The following TSPAN1 variants were observed in gnomAD, a reference collection of about 807,000 sequenced individuals.
TSPAN1 encodes tetraspanin-1.
A neutral mutation model predicts 26.9 loss-of-function variants in TSPAN1; 23 were observed. That is an observed-to-expected ratio of 0.85 (90% CI 0.62 to 1.21). The LOEUF (loss-of-function observed/expected upper bound fraction) is 1.21. Ranked by LOEUF, TSPAN1 falls within the 50% of genes most tolerant of loss-of-function variation. TSPAN1 has a pLI of 0.00. For synonymous variants in TSPAN1, 115 were observed against 114.8 expected, an observed-to-expected ratio of 1.00 and a Z score of -0.01; for missense variants, 283 against 298.4, an observed-to-expected ratio of 0.95 and a Z score of 0.38.
chr1:46,193,610 C>G, the TSPAN1 span: 1 of 1,614,180 alleles, frequency 6.2e-7, no homozygotes, highest in South Asian at 1.1e-5. Context: ...AGGAGACACC[C>G]CCTGGGCTGA....
chr1:46,194,692 C>G, the TSPAN1 span: 1 of 1,614,236 alleles, frequency 6.2e-7, no homozygotes, highest in South Asian at 1.1e-5. Flanking sequence ...GGCCCAGACA[C>G]CAGTTTGGGG....
In TSPAN1 at chr1:46,184,292, T is replaced by C. The variant is rs1419885467; in HGVS notation, c.159T>C (p.Phe53=). Residue 53 remains phenylalanine, a synonymous_variant, in exon 4 of 9, where the codon TTT becomes TTC. Coordinates refer to ENST00000372003, the MANE Select transcript of TSPAN1 (RefSeq NM_005727.4). The part of the protein sequence containing the change: ...FGPLSSSAMQ[F]VNVGYFLIAA... ...CACTGTCGTCCAGTGCCATGCAGTT[T>C]GTCAACGTGGGCTACTTCCTCATCG... The C allele has an allele frequency of 6.2e-7, 1 of 1,614,088 alleles. No individual in the cohort carries two copies. The highest frequency in any genetic ancestry group is 8.5e-7 in the Non-Finnish European group (1 of 1,180,044).
downstream of TSPAN1, chr1:46,189,565 G>C (rs376973640): frequency 6.2e-7 from 1 of 1,610,420 alleles, no homozygotes; most frequent in Non-Finnish European, 8.5e-7. Context: ...AGATATGGAG[G>C]CACTAGTGAG....
chr1:46,192,622 G>A, the TSPAN1 span: 1 of 1,612,358 alleles, frequency 6.2e-7, no homozygotes, highest in Non-Finnish European at 8.5e-7. Flanking sequence ...AGTTCAGGGA[G>A]GGACAAGGAT....
the TSPAN1 span, chr1:46,192,866 G>A: frequency 1.2e-6 from 2 of 1,613,768 alleles, no homozygotes; most frequent in Non-Finnish European, 1.7e-6. Context: ...TGCAGACTGA[G>A]GGACCTCAAC....
At chr1:46,182,989 A>AT (rs952031106) in intron 3 of TSPAN1, among the ~76,000 whole-genome samples, 5 of 151,860 alleles carry the variant, frequency 3.3e-5, no homozygotes, top group East Asian at 1.9e-4. Context: ...ATTAAAAAAA[A>AT]TTTTTTTTGT....
chr1:46,190,460 T>C (rs765042168), downstream of TSPAN1: 3 of 1,579,302 alleles, frequency 1.9e-6, no homozygotes, highest in Non-Finnish European at 2.6e-6. Context: ...ACCCCAATTG[T>C]CCTAGGCCAT....
chr1:46,177,351 A>ATATC (rs71062742), intron 1 of TSPAN1, among the ~76,000 whole-genome samples: 51,913 of 147,218 alleles, frequency 0.35, 9,674 homozygotes, highest in East Asian at 0.48. Flanking sequence ...AAAAAAAAAT[A>ATATC]TATCTATCTA....
chr1:46,175,976 A>G (rs1044551222), intron 1 of TSPAN1: 2 of 521,724 alleles, frequency 3.8e-6, no homozygotes, highest in Admixed American at 3.3e-5. Context: ...GGGTTCAAGC[A>G]ATTCTCCTGC....
the TSPAN1 span, chr1:46,192,264 G>A: frequency 1.2e-6 from 2 of 1,614,156 alleles, no homozygotes; most frequent in Middle Eastern, 3.3e-4. Context: ...GATGTTTCGA[G>A]TTGGTAGGGG....
In TSPAN1 at chr1:46,184,616, T is replaced by A; in HGVS notation, c.287T>A (p.Ile96Asn). Reference protein sequence around the residue: ...LVTFFFILLLIFIAEVAAAVV... With the variant: ...LVTFFFILLLNFIAEVAAAVV... ...CAGTTCTTCTTCATCCTCCTCCTCA[T>A]CTTCATTGCTGAGGTTGCAGCTGCT... is the stretch of plus-strand genomic sequence containing the variant. The change falls in exon 5 of 9, where the codon ATC (isoleucine) becomes AAC (asparagine). Residue 96 changes from isoleucine to asparagine, a missense_variant. Coordinates refer to ENST00000372003, the MANE Select transcript of TSPAN1 (RefSeq NM_005727.4). 6.2e-7 allele frequency: 1 copy of A among 1,614,186 alleles called. No homozygotes were observed. Among genetic ancestry groups the A allele is most frequent in the Non-Finnish European group, 8.5e-7 (1 of 1,180,036 alleles).
chr1:46,193,632 G>A, the TSPAN1 span: 45 of 1,614,078 alleles, frequency 2.8e-5, no homozygotes, highest in African/African-American at 1.7e-4. Flanking sequence ...AGCAGAGAGC[G>A]CAGCATCCTG....
At position 46,184,352 on chromosome 1, in the gene TSPAN1, G is replaced by A; in HGVS notation, c.219G>A (p.Leu73=). 2 of 1,614,134 alleles carry A rather than the reference G, an allele frequency of 1.2e-6. No individual in the cohort carries two copies. Among genetic ancestry groups the A allele is most frequent in the Non-Finnish European group, 1.7e-6 (2 of 1,180,034 alleles). Residue 73 remains leucine (L), a synonymous_variant, in exon 4 of 9, where the codon CTG becomes CTA. Transcript: ENST00000372003. ...TTGTGGTCTTTGCTCTTGGTTTCCT[G>A]GGCTGCTATGGTGCTAAGACTGAGA... ...AGVVVFALGF[L]GCYGAKTESK...
At chr1:46,177,725 T>C (rs1657215720) in intron 1 of TSPAN1, among the ~76,000 whole-genome samples, 1 of 152,226 alleles carries the variant, frequency 6.6e-6, no homozygotes, top group Non-Finnish European at 1.5e-5. Context: ...GCTGAAATTT[T>C]TTGCCTTTCT....
the TSPAN1 span, chr1:46,195,740 C>T: frequency 7.4e-7 from 1 of 1,348,170 alleles, no homozygotes; most frequent in Non-Finnish European, 1.0e-6. Flanking sequence ...ATATGAGGGG[C>T]AGAGAAGCCG....
the TSPAN1 span, chr1:46,193,581 T>C: frequency 1.9e-6 from 3 of 1,614,180 alleles, no homozygotes; most frequent in East Asian, 2.2e-5. Flanking sequence ...TAGCCGTCAA[T>C]GAAAACTGTT....
downstream of TSPAN1, chr1:46,190,455 A>T: frequency 5.1e-6 from 8 of 1,574,224 alleles, no homozygotes; most frequent in Non-Finnish European, 7.0e-6. Context: ...GCTACACCCC[A>T]ATTGTCCTAG....
the TSPAN1 span, chr1:46,194,965 G>A: frequency 3.1e-6 from 5 of 1,613,982 alleles, no homozygotes; most frequent in Non-Finnish European, 4.2e-6. Flanking sequence ...CCTCATCCTG[G>A]GGGACCAGAG....
the TSPAN1 span, chr1:46,195,751 G>C: frequency 6.9e-6 from 10 of 1,454,578 alleles, no homozygotes; most frequent in Non-Finnish European, 9.4e-6. Context: ...AGAGAAGCCG[G>C]GGCTAGAAGC....
Sources: gnomAD v4.1 joint callset for allele counts (sites outside exome capture counted in the v4.1 genomes callset) on GRCh38, gnomAD v4.1.1 for gene constraint, MANE v1.5 for transcripts, NCBI Gene and HGNC (gene_info 2026-07-23, HGNC 2026-07-21) for gene names.